RBFOX1: variants seen among roughly 807,000 people sequenced by gnomAD.
RBFOX1 encodes the protein RNA binding fox-1 homolog 1, also known as RNA binding protein fox-1 homolog 1.
Under a neutral mutation model 57.7 loss-of-function variants are expected in RBFOX1, and 8 were observed. That is an observed-to-expected ratio of 0.14 (90% CI 0.08 to 0.25). The LOEUF (loss-of-function observed/expected upper bound fraction) is 0.25. Ranked by LOEUF, RBFOX1 falls within the 10% of genes least tolerant of loss-of-function variation. The probability of loss-of-function intolerance (pLI) is 1.00; values close to 1 mark genes in which losing one functional copy is unlikely to be tolerated. For missense variants in RBFOX1, 611 were observed against 548.5 expected (o/e 1.11, Z -1.14); for synonymous variants, 326 against 222.4 (o/e 1.47, Z -4.15).
intron 3 of RBFOX1, among the ~76,000 whole-genome samples, chr16:6,880,580 T>C (rs1010306099): frequency 6.6e-6 from 1 of 151,896 alleles, no homozygotes; most frequent in Non-Finnish European, 1.5e-5. Flanking sequence ...CCAGAATCTG[T>C]TTTTCTTTCT....
chr16:7,693,063 A>C (rs1310622592), intron 14 of RBFOX1, among the ~76,000 whole-genome samples: 1 of 152,180 alleles, frequency 6.6e-6, no homozygotes, highest in Non-Finnish European at 1.5e-5. Context: ...ATGTTTTGGT[A>C]ACACATAGTA....
At chr16:6,603,015 C>T (rs192523230) in intron 2 of RBFOX1, among the ~76,000 whole-genome samples, 2 of 152,258 alleles carry the variant, frequency 1.3e-5, no homozygotes, top group Admixed American at 6.5e-5. Context: ...AGAAGTTTCC[C>T]AATTTTATTT....
In RBFOX1 at chr16:6,968,676, G is replaced by T. The variant is rs1002408243; in HGVS notation, c.-15-83381G>T. On this transcript the variant is annotated intron_variant, in intron 3 of 15. Transcript: ENST00000550418. ...CAGGACTCGAGGAAGCCCACAAGGT[G>T]CTGGCCTCCCATCGAGTACACATAC... Among the ~76,000 whole-genome samples the T allele has an allele frequency of 3.3e-5, 5 of 152,138 alleles. No homozygotes were observed. In the East Asian group the frequency reaches 9.6e-4, roughly 29 times the overall value.
At chr16:6,415,569 C>T (rs2093601804) in intron 2 of RBFOX1, among the ~76,000 whole-genome samples, 1 of 152,096 alleles carries the variant, frequency 6.6e-6, no homozygotes, top group Non-Finnish European at 1.5e-5. Flanking sequence ...GGCGTGGTGG[C>T]AGGCACCTGC....
At chr16:6,782,681 A>G (rs567650762) in intron 3 of RBFOX1, among the ~76,000 whole-genome samples, 2 of 152,310 alleles carry the variant, frequency 1.3e-5, no homozygotes, top group East Asian at 3.9e-4. Context: ...TTATGTGCCC[A>G]TGAGAAGAAT....
chr16:5,591,121 CAAATAA>C (rs1274325574), intron 2 of RBFOX1, among the ~76,000 whole-genome samples: 1 of 151,034 alleles, frequency 6.6e-6, no homozygotes, highest in Non-Finnish European at 1.5e-5. Flanking sequence ...TTTTAAAAAT[CAAATAA>C]AAAGTATCGG....
At chr16:7,655,972 G>C (rs1210061828) in intron 12 of RBFOX1, among the ~76,000 whole-genome samples, 1 of 152,172 alleles carries the variant, frequency 6.6e-6, no homozygotes, top group African/African-American at 2.4e-5. Flanking sequence ...ACCAGGGAGA[G>C]ACACAGGCAT....
At chr16:6,053,762 A>AC (rs554919912) in intron 1 of RBFOX1, among the ~76,000 whole-genome samples, 33 of 152,028 alleles carry the variant, frequency 2.2e-4, no homozygotes, top group Non-Finnish European at 4.0e-4. Flanking sequence ...TCTTAATGGG[A>AC]CCCCCTTAGG....
intron 3 of RBFOX1, among the ~76,000 whole-genome samples, chr16:6,837,896 A>G (rs1199826373): frequency 6.6e-6 from 1 of 152,158 alleles, no homozygotes; most frequent in Non-Finnish European, 1.5e-5. Context: ...CCCAACAGCA[A>G]CAATGACAGT....
intron 3 of RBFOX1, among the ~76,000 whole-genome samples, chr16:6,774,470 C>T (rs76139028): frequency 0.032 from 4,911 of 152,212 alleles, 261 homozygotes; most frequent in African/African-American, 0.11. Context: ...AACCCAATTA[C>T]CTTTTGTCTC....
At chr16:6,074,240 G>A (rs1401969020) in intron 1 of RBFOX1, among the ~76,000 whole-genome samples, 4 of 152,100 alleles carry the variant, frequency 2.6e-5, no homozygotes, top group Non-Finnish European at 5.9e-5. Context: ...GAGCCACAGC[G>A]CCCGGCCATC....
rs924479282 is a variant in RBFOX1 at position 6,019,648 on chromosome 16, C to A, written c.-471C>A. 8 of 1,300,504 alleles carry A rather than the reference C, an allele frequency of 6.2e-6. No homozygotes were observed. The highest frequency in any genetic ancestry group is 7.8e-6 in the Non-Finnish European group (8 of 1,024,334). The allele number at this position is 1,300,504 out of a possible 1,614,324, so 80.6% of individuals were successfully genotyped here. A position where few individuals can be genotyped will look rare whatever the true frequency, so the allele number is the denominator to read the frequency against. The stretch of plus-strand genomic sequence containing the variant: ...CCCACATCTGGAGGGGACAGCCAGC[C>A]GTGGGCCCCGCCCCGGCGTCCGGAG... On this transcript the variant is annotated 5_prime_UTR_variant, in exon 1 of 16. Coordinates refer to ENST00000550418, the MANE Select transcript of RBFOX1 (RefSeq NM_018723.4). The surrounding 1 kb of genome is among the most constrained non-coding windows in gnomAD (Gnocchi z 4.2).
chr16:7,611,428 A>T (rs1048723715), intron 10 of RBFOX1, among the ~76,000 whole-genome samples: 1 of 152,118 alleles, frequency 6.6e-6, no homozygotes, highest in South Asian at 2.1e-4. Flanking sequence ...AATACAAAAG[A>T]TCTAGCTGGG....
chr16:7,386,246 T>C (rs1022175687), intron 4 of RBFOX1, among the ~76,000 whole-genome samples: 2 of 152,150 alleles, frequency 1.3e-5, no homozygotes, highest in Non-Finnish European at 2.9e-5. Flanking sequence ...ACTGGTCCTT[T>C]ATGATACTTT....
intron 1 of RBFOX1, among the ~76,000 whole-genome samples, chr16:6,062,597 T>TAACATA (rs1705153548): frequency 1.9e-5 from 1 of 53,090 alleles, no homozygotes; most frequent in African/African-American, 6.9e-5. Flanking sequence ...TGTATATATG[T>TAACATA]ATATATGTTA....
At chr16:7,404,738 A>G (rs7189053) in intron 4 of RBFOX1, among the ~76,000 whole-genome samples, 114,462 of 151,916 alleles carry the variant, frequency 0.75, 44,063 homozygotes, top group Non-Finnish European at 0.83. Flanking sequence ...AACCGAATGC[A>G]CTTTTTAATT....
At chr16:5,527,583 T>G (rs1212090863) in intron 2 of RBFOX1, among the ~76,000 whole-genome samples, 2 of 152,224 alleles carry the variant, frequency 1.3e-5, no homozygotes, top group African/African-American at 2.4e-5. Flanking sequence ...CAGCAGCTGG[T>G]GATGCGTCTA....
At chr16:6,317,738 G>T (rs980590213) in intron 2 of RBFOX1, among the ~76,000 whole-genome samples, 1 of 152,048 alleles carries the variant, frequency 6.6e-6, no homozygotes, top group African/African-American at 2.4e-5. Context: ...TCTAGCATTT[G>T]GGGTAGCACC....
chr16:6,047,150 A>G (rs1004843038), intron 1 of RBFOX1, among the ~76,000 whole-genome samples: 40 of 152,190 alleles, frequency 2.6e-4, no homozygotes, highest in Admixed American at 2.0e-3. Context: ...AAAATGGACT[A>G]TAAAACAAAT....
Sources: allele counts gnomAD v4.1 joint callset (sites outside exome capture counted in the v4.1 genomes callset), GRCh38; gene constraint gnomAD v4.1.1; non-coding constraint Gnocchi (gnomAD v3.1); transcripts MANE v1.5; gene names NCBI Gene and HGNC (gene_info 2026-07-23, HGNC 2026-07-21).